The following DPAGT1 variants were observed in gnomAD, a reference collection of about 807,000 sequenced individuals.
DPAGT1 encodes UDP-N-acetylglucosamine--dolichyl-phosphate N-acetylglucosaminephosphotransferase.
In DPAGT1, 25 loss-of-function variants were observed where a neutral mutation model predicts 39.3. The observed-to-expected ratio is 0.64, with a 90% confidence interval of 0.46 to 0.89. The LOEUF is 0.89. DPAGT1 is among the 40% of genes least tolerant of loss of function. DPAGT1 has a pLI of 0.00. For synonymous variants in DPAGT1, 193 were observed against 201.4 expected, an observed-to-expected ratio of 0.96 and a Z score of 0.36; for missense variants, 381 against 500.6, an observed-to-expected ratio of 0.76 and a Z score of 2.28.
downstream of DPAGT1, chr11:119,094,875 G>C (rs926049408): frequency 1.0e-4 from 137 of 1,340,536 alleles, no homozygotes; most frequent in Non-Finnish European, 1.3e-4. Context: ...AAGCGGCTCA[G>C]CTCTTTCCAT....
At position 119,098,357 on chromosome 11, in the gene DPAGT1, TG is replaced by T. The variant is rs1205266807; in HGVS notation, c.728+45del. On this transcript the variant is annotated intron_variant, in intron 5 of 8. Transcript: ENST00000354202. ...GGTGGGTTATGATAAGGGCCATCTT[TG>T]CCATGTGTTCAGGTAGTTGTCCCCT... The T allele has an allele frequency of 2.5e-6, 4 of 1,587,908 alleles. No individual in the cohort carries two copies. In the African/African-American group the frequency reaches 5.4e-5, roughly 21 times the overall value.
chr11:119,098,117 G>C, intron 5 of DPAGT1, 74 bp from the exon 6 acceptor site: 1 of 1,589,694 alleles, frequency 6.3e-7, no homozygotes, highest in Non-Finnish European at 8.6e-7. Flanking sequence ...ACACCCTATG[G>C]GCACTGGACT....
downstream of DPAGT1, chr11:119,095,417 G>A (rs932494657): frequency 5.3e-6 from 8 of 1,501,440 alleles, no homozygotes; most frequent in African/African-American, 2.8e-5. Context: ...GACCGGTGAA[G>A]CACGACGGCT....
chr11:119,095,268 GC>G (rs1373898702), downstream of DPAGT1: 1 of 1,613,164 alleles, frequency 6.2e-7, no homozygotes, highest in African/African-American at 1.3e-5. Context: ...GCGCCAACGC[GC>G]TCGGCGTAGT....
rs1301940016 is a variant in DPAGT1 at position 119,097,266 on chromosome 11, T to C, written c.1037A>G (p.His346Arg). 4.3e-6 allele frequency: 7 copies of C among 1,614,096 alleles called. No individual in the cohort carries two copies. Among genetic ancestry groups the C allele is most frequent in the African/African-American group, 1.3e-5 (1 of 74,920 alleles). Residue 346 changes from histidine (H) to arginine (R), a missense_variant, in exon 8 of 9, where the codon CAC becomes CGC. Physicochemically the swap from His to Arg is conservative, Grantham distance 29 (BLOSUM62 0). Coordinates refer to ENST00000354202, the MANE Select transcript of DPAGT1 (RefSeq NM_001382.4). This position sits in a 1 kb window ranked among gnomAD's most constrained non-coding sequence, Gnocchi z 4.6. ...TTCACCATCTTCAGTCTCACTCTGG[T>C]GTACTGTCACCAGCTGGAGGCTCTC... ...VAESLQLVTV[H>R]QSETEDGEFT... is the part of the protein sequence containing the mutation.
At chr11:119,096,097 C>G (rs775807238), downstream of DPAGT1, among the ~76,000 whole-genome samples, 10 of 152,142 alleles carry the variant, frequency 6.6e-5, no homozygotes, top group Non-Finnish European at 1.2e-4. Flanking sequence ...TCCCTCGTAG[C>G]TGGTACTACA....
intron 4 of DPAGT1, among the ~76,000 whole-genome samples, chr11:119,098,837 C>T (rs1946443563): frequency 6.6e-6 from 1 of 152,146 alleles, no homozygotes; most frequent in Non-Finnish European, 1.5e-5. Flanking sequence ...TAACATCTGC[C>T]ACATAAAACC....
Position 119,100,425 on chromosome 11 carries a change from T to C in DPAGT1, c.497-17A>G. The C allele has an allele frequency of 6.2e-7, 1 of 1,613,920 alleles. No individual in the cohort carries two copies. Among genetic ancestry groups the C allele is most frequent in the Non-Finnish European group, 8.5e-7 (1 of 1,179,972 alleles). ...ACAGGATTCCTGCGGGGAGAGATGG[T>C]AGGAAAAGAAGTAGTGCCACCTAGG... is the stretch of plus-strand genomic sequence containing the variant. On this transcript the variant is annotated splice_polypyrimidine_tract_variant and intron_variant, in intron 3 of 8. Transcript: ENST00000354202.
chr11:119,097,782 A>G lies in DPAGT1; in HGVS notation c.917+73T>C. The G allele has an allele frequency of 3.1e-6, 5 of 1,598,798 alleles. No individual in the cohort carries two copies. The Admixed American group carries it at 8.3e-5, about 27-fold the overall frequency. ...TTTGGGCCCACTCCCTTTGCACAGC[A>G]AATGTATAGGCTGGCATTAGATATC... On this transcript the variant is annotated intron_variant, in intron 6 of 8. Transcript: ENST00000354202. The surrounding 1 kb of genome is among the most constrained non-coding windows in gnomAD (Gnocchi z 4.6).
At chr11:119,100,494 G>T in intron 3 of DPAGT1, 86 bp from the exon 4 acceptor site, 2 of 1,604,600 alleles carry the variant, frequency 1.2e-6, no homozygotes, top group South Asian at 1.1e-5. Context: ...GAGGACGGAC[G>T]ATAGGATGAA....
Position 119,100,416 on chromosome 11 carries a change from G to C in DPAGT1, c.497-8C>G, listed in dbSNP as rs767782520. On this transcript the variant is annotated splice_region_variant and splice_polypyrimidine_tract_variant and intron_variant, in intron 3 of 8. Coordinates refer to ENST00000354202, the MANE Select transcript of DPAGT1 (RefSeq NM_001382.4). The stretch of plus-strand genomic sequence containing the variant: ...AGACATAGTACAGGATTCCTGCGGG[G>C]AGAGATGGTAGGAAAAGAAGTAGTG... 1.2e-5 allele frequency: 20 copies of C among 1,614,202 alleles called. No individual in the cohort carries two copies. Among genetic ancestry groups the C allele is most frequent in the Admixed American group, 1.7e-5 (1 of 60,032 alleles).
chr11:119,094,868 C>T (rs1263858555), downstream of DPAGT1: 1 of 1,282,914 alleles, frequency 7.8e-7, no homozygotes, highest in Non-Finnish European at 1.0e-6. Flanking sequence ...CAGTCTGAAG[C>T]GGCTCAGCTC....
rs1946509062 is a variant in DPAGT1, at chr11:119,101,559, G to A, written c.97C>T (p.Arg33Trp). Residue 33 changes from arginine (R) to tryptophan (W), a missense_variant, in exon 1 of 9, where the codon CGG (arginine) becomes TGG (tryptophan). Coordinates refer to ENST00000354202, the MANE Select transcript of DPAGT1 (RefSeq NM_001382.4). ...AGGCGCGCAGCAATGAAGTGGCCCCGGAAGGCCGGGATGAGGGTGACTGTG... is the reference window on the plus strand; with the variant it reads ...AGGCGCGCAGCAATGAAGTGGCCCCAGAAGGCCGGGATGAGGGTGACTGTG... ...VATVTLIPAF[R>W]GHFIAARLCG... The A allele has an allele frequency of 6.2e-7, 1 of 1,614,244 alleles. No individual in the cohort carries two copies. The highest frequency in any genetic ancestry group is 8.5e-7 in the Non-Finnish European group (1 of 1,180,046).
At chr11:119,099,129 C>G (rs1214368612) in intron 4 of DPAGT1, among the ~76,000 whole-genome samples, 1 of 152,100 alleles carries the variant, frequency 6.6e-6, no homozygotes, top group East Asian at 1.9e-4. Flanking sequence ...TGTTAGAAAG[C>G]AGGAGTAATT....
intron 4 of DPAGT1, 67 bp downstream of exon 4, chr11:119,100,195 A>G (rs1946472819): frequency 6.2e-7 from 1 of 1,611,206 alleles, no homozygotes; most frequent in East Asian, 2.2e-5. Context: ...TGAATTTCCC[A>G]AAGTCATATA....
At chr11:119,099,773 C>G (rs1260293828) in intron 4 of DPAGT1, among the ~76,000 whole-genome samples, 2 of 128,192 alleles carry the variant, frequency 1.6e-5, no homozygotes, top group Non-Finnish European at 3.3e-5. Flanking sequence ...AGAGGGAGAC[C>G]CTGTCTCAAA....
Position 119,098,038 on chromosome 11 carries a change from G to A in DPAGT1, c.734C>T (p.Pro245Leu). 1 of 1,614,102 alleles carries A rather than the reference G, an allele frequency of 6.2e-7. No individual in the cohort carries two copies. Among genetic ancestry groups the A allele is most frequent in the Non-Finnish European group, 8.5e-7 (1 of 1,180,002 alleles). The change falls in exon 6 of 9, where the codon CCA becomes CTA. Residue 245 changes from proline (P) to leucine (L), a missense_variant. By Grantham distance (98) the Pro-to-Leu change is moderately conservative. Transcript: ENST00000354202. ...TLGLLYHNWY[P>L]SRVFVGDTFC... ...GGTATCTCCCACAAACACCCGTGAT[G>A]GGTACCTGTGTGGGGGAAGAGGATC...
intron 4 of DPAGT1, among the ~76,000 whole-genome samples, 179 bp from the exon 5 acceptor site, chr11:119,098,666 G>A (rs954522299): frequency 2.0e-5 from 3 of 151,950 alleles, no homozygotes; most frequent in African/African-American, 7.3e-5. Flanking sequence ...CACCTCTTTC[G>A]TGCAGCCTTC....
At chr11:119,101,458 C>T (rs1284206732) in intron 1 of DPAGT1, 37 bp downstream of exon 1, 2 of 1,613,842 alleles carry the variant, frequency 1.2e-6, no homozygotes, top group South Asian at 1.1e-5. Flanking sequence ...CTTCCTTAGC[C>T]CTTGCCCCCT....
Sources: gnomAD v4.1 joint callset for allele counts (sites outside exome capture counted in the v4.1 genomes callset) on GRCh38, gnomAD v4.1.1 for gene constraint, Gnocchi (gnomAD v3.1) non-coding constraint, MANE v1.5 for transcripts, NCBI Gene and HGNC (gene_info 2026-07-23, HGNC 2026-07-21) for gene names.